The following OR4D1 variants were observed in gnomAD, a reference collection of about 807,000 sequenced individuals.
The protein encoded by OR4D1 is olfactory receptor family 4 subfamily D member 1.
In OR4D1, 10 loss-of-function variants were observed where a neutral mutation model predicts 14.2. That is an observed-to-expected ratio of 0.71 (90% confidence interval 0.44 to 1.20). OR4D1 has a LOEUF of 1.20. OR4D1 is among the 50% of genes most tolerant of loss of function. The probability of loss-of-function intolerance (pLI) is 0.00; values close to 1 mark genes in which losing one functional copy is unlikely to be tolerated. For missense variants in OR4D1, 345 were observed against 376.6 expected (o/e 0.92, Z 0.70); for synonymous variants, 141 against 147.4 (o/e 0.96, Z 0.32).
chr17:58,157,770 C>T lies in OR4D1; in HGVS notation c.*1684C>T. The T allele has an allele frequency of 1.2e-6, 2 of 1,611,388 alleles. No individual in the cohort carries two copies. The highest frequency in any genetic ancestry group is 1.7e-6 in the Non-Finnish European group (2 of 1,179,640). On this transcript the variant is annotated 3_prime_UTR_variant, in exon 4 of 4. Coordinates refer to ENST00000268912, the MANE Select transcript of OR4D1 (RefSeq NM_001386095.1). ...ATCCCGCCCGTGGGACTCTATGCCA[C>T]GCCAGTGGGATATGGCATGTACCAC... is the stretch of plus-strand genomic sequence containing the variant.
In OR4D1 at chr17:58,157,130, C is replaced by T. The variant is rs544701187; in HGVS notation, c.*1044C>T. 11 of 1,480,632 alleles carry T rather than the reference C, an allele frequency of 7.4e-6. No homozygotes were observed. In the African/African-American group the frequency reaches 1.3e-4, roughly 17 times the overall value. 91.7% of individuals were successfully genotyped at this position (1,480,632 alleles called of 1,614,324 possible). ...AGGAGCGCCGCGTCAAGGTCTCCAG[C>T]CTGCCCTACAGTGTGGATGCGCTCG... On this transcript the variant is annotated 3_prime_UTR_variant, in exon 4 of 4. Transcript: ENST00000268912.
rs1567779451 is a variant in OR4D1 at position 58,155,318 on chromosome 17, C to G, written c.165C>G (p.Leu55=). The change falls in exon 4 of 4, where the codon CTC becomes CTG. Residue 55 remains leucine, a synonymous_variant. Transcript: ENST00000268912. ...IMVTVTFDCR[L]HTPMYFLLRN... ...TCACAGTGACTTTTGACTGCCGGCTCCACACACCCATGTATTTTCTGCTCC... is the reference window on the plus strand; with the variant it reads ...TCACAGTGACTTTTGACTGCCGGCTGCACACACCCATGTATTTTCTGCTCC... 1 of 1,614,112 alleles carries G rather than the reference C, an allele frequency of 6.2e-7. No individual in the cohort carries two copies. The highest frequency in any genetic ancestry group is 1.7e-5 in the Admixed American group (1 of 60,010).
intron 3 of OR4D1, 43 bp from the exon 4 acceptor site, chr17:58,155,092 C>G (rs1967747789): frequency 7.7e-7 from 1 of 1,295,712 alleles, no homozygotes; most frequent in Non-Finnish European, 1.1e-6. Context: ...ATTGAATTTT[C>G]ATTTTTTTTG....
Position 58,157,228 on chromosome 17 carries a change from G to T in OR4D1, c.*1142G>T. 3 of 1,465,336 alleles carry T rather than the reference G, an allele frequency of 2.0e-6. No individual in the cohort carries two copies. Among genetic ancestry groups the T allele is most frequent in the Non-Finnish European group, 2.7e-6 (3 of 1,110,878 alleles). The allele number at this position is 1,465,336 out of a possible 1,614,324, so 90.8% of individuals were successfully genotyped here. On this transcript the variant is annotated 3_prime_UTR_variant, in exon 4 of 4. Coordinates refer to ENST00000268912, the MANE Select transcript of OR4D1 (RefSeq NM_001386095.1). ...AGCGCCTCTTCCGGGGCCACCCTGC[G>T]GCTACTGCTGCTGCCGGGGCACGGC...
In OR4D1 at chr17:58,155,069, T is replaced by A. The variant is rs1967747406; in HGVS notation, c.-19-66T>A. Reference sequence around the variant, plus strand: ...AACTTAATCAACTCAATCCTGACTGTCCAAGGAAAATGATTGAATTTTCAT... The same window carrying A: ...AACTTAATCAACTCAATCCTGACTGACCAAGGAAAATGATTGAATTTTCAT... On this transcript the variant is annotated intron_variant, in intron 3 of 3. Coordinates refer to ENST00000268912, the MANE Select transcript of OR4D1 (RefSeq NM_001386095.1). 2.7e-6 allele frequency: 3 copies of A among 1,122,568 alleles called. No homozygotes were observed. In the Admixed American group the frequency reaches 6.3e-5, roughly 23 times the overall value. 69.5% of individuals were successfully genotyped at this position (1,122,568 alleles called of 1,614,324 possible). A position where few individuals can be genotyped will look rare whatever the true frequency, so the allele number is the denominator to read the frequency against.
intron 3 of OR4D1, 49 bp from the exon 4 acceptor site, chr17:58,155,086 A>G: frequency 7.9e-7 from 1 of 1,259,634 alleles, no homozygotes; most frequent in Non-Finnish European, 1.1e-6. Flanking sequence ...AAAATGATTG[A>G]ATTTTCATTT....
At position 58,155,629 on chromosome 17, in the gene OR4D1, A is replaced by G; in HGVS notation, c.476A>G (p.Gln159Arg). The change falls in exon 4 of 4, where the codon CAA (glutamine) becomes CGA (arginine). Residue 159 changes from glutamine to arginine, a missense_variant. By Grantham distance (43) the Gln-to-Arg change is conservative. Transcript: ENST00000268912. ...WVGGFVHSIV[Q>R]LALILPLPFC... is the part of the protein sequence containing the mutation. The stretch of plus-strand genomic sequence containing the variant: ...GGGGGCTTTGTCCACTCCATTGTCC[A>G]ACTGGCTCTGATACTTCCACTGCCC... The G allele has an allele frequency of 6.2e-7, 1 of 1,614,080 alleles. No homozygotes were observed. Among genetic ancestry groups the G allele is most frequent in the Non-Finnish European group, 8.5e-7 (1 of 1,179,998 alleles).
rs1967677507 is a variant in OR4D1 at position 58,149,667 on chromosome 17, A to G, written c.-256A>G. ...TACTCTTGAACCTTGAAGGAAGGGT[A>G]GAATTCAGACAGGTGAACAGGACAG... On this transcript the variant is annotated 5_prime_UTR_variant, in exon 2 of 4. Coordinates refer to ENST00000268912, the MANE Select transcript of OR4D1 (RefSeq NM_001386095.1). 6.6e-6 allele frequency: 1 copy of G among 152,298 alleles called. No homozygotes were observed. The highest frequency in any genetic ancestry group is 1.5e-5 in the Non-Finnish European group (1 of 68,074). The allele number at this position is 152,298 out of a possible 1,614,324, so 9.4% of individuals were successfully genotyped here.
chr17:58,155,538 C>A lies in OR4D1; in HGVS notation c.385C>A (p.Pro129Thr), dbSNP rs143254667. The A allele has an allele frequency of 1.8e-3, 2,941 of 1,614,166 alleles. 6 individuals are homozygous for A. The highest frequency in any genetic ancestry group is 3.5e-3 in the Admixed American group (213 of 60,026). The change falls in exon 4 of 4, where the codon CCC becomes ACC. Residue 129 changes from proline to threonine, a missense_variant. Physicochemically the swap from Pro to Thr is conservative, Grantham distance 38. Transcript: ENST00000268912. ...AYDRYIAISQ[P>T]LRYVTIMNTQ... is the part of the protein sequence containing the mutation. ...TGACCGCTACATAGCCATCTCCCAG[C>A]CCCTCCGGTATGTCACCATCATGAA... is the stretch of plus-strand genomic sequence containing the variant.
intron 2 of OR4D1, among the ~76,000 whole-genome samples, chr17:58,151,386 A>G (rs1219560633): frequency 2.0e-5 from 3 of 152,120 alleles, no homozygotes; most frequent in African/African-American, 7.2e-5. Context: ...CCCAGCATCC[A>G]TTAGCTATTC....
Position 58,158,449 on chromosome 17 carries a change from AC to A in OR4D1, c.*2373del, listed in dbSNP as rs141202898. The A allele has an allele frequency of 0.19, 21,671 of 114,588 alleles. 1,917 individuals carry two copies. The highest frequency in any genetic ancestry group is 0.21 in the Non-Finnish European group (11,934 of 55,884). 7.1% of individuals were successfully genotyped at this position (114,588 alleles called of 1,614,324 possible). A position where few individuals can be genotyped will look rare whatever the true frequency, so the allele number is the denominator to read the frequency against. ...TTTGTTCCTATCTCTCCCCACGCCC[AC>A]CCCCCCCCCACACACACATTTTTAC... On this transcript the variant is annotated 3_prime_UTR_variant, in exon 4 of 4. Coordinates refer to ENST00000268912, the MANE Select transcript of OR4D1 (RefSeq NM_001386095.1).
chr17:58,153,260 G>A (rs1286218463), intron 2 of OR4D1, among the ~76,000 whole-genome samples: 12 of 152,182 alleles, frequency 7.9e-5, no homozygotes, highest in Non-Finnish European at 1.8e-4. Flanking sequence ...TCCTGCCCTG[G>A]TGCACTGGGA....
At position 58,157,268 on chromosome 17, in the gene OR4D1, C is replaced by T; in HGVS notation, c.*1182C>T. The T allele has an allele frequency of 1.4e-6, 2 of 1,476,918 alleles. No individual in the cohort carries two copies. Among genetic ancestry groups the T allele is most frequent in the Non-Finnish European group, 1.8e-6 (2 of 1,116,696 alleles). The allele number at this position is 1,476,918 out of a possible 1,614,324, so 91.5% of individuals were successfully genotyped here. ...CGGGGCACGGCGCTCGGGAAGCGCA[C>T]AGCCCCGGGCCGCTGATCAAGCCCT... On this transcript the variant is annotated 3_prime_UTR_variant, in exon 4 of 4. Transcript: ENST00000268912.
At chr17:58,149,953 G>A (rs1408976251) in intron 2 of OR4D1, among the ~76,000 whole-genome samples, 157 bp downstream of exon 2, 1 of 152,070 alleles carries the variant, frequency 6.6e-6, no homozygotes, top group Admixed American at 6.6e-5. Flanking sequence ...ATAATTTATG[G>A]TACTTACTAT....
In OR4D1 at chr17:58,157,540, C is replaced by A. The variant is rs1251677122; in HGVS notation, c.*1454C>A. 1.9e-5 allele frequency: 28 copies of A among 1,454,048 alleles called. No homozygotes were observed. The highest frequency in any genetic ancestry group is 1.1e-4 in the South Asian group (10 of 87,398). The allele number at this position is 1,454,048 out of a possible 1,614,324, so 90.1% of individuals were successfully genotyped here. On this transcript the variant is annotated 3_prime_UTR_variant, in exon 4 of 4. Transcript: ENST00000268912. ...GTGCGGACTTCTCCAGCTCTCCGAA[C>A]CTCACGGAGACTCAGGTCAAAATCT...
chr17:58,152,018 G>C (rs979847029), intron 2 of OR4D1, among the ~76,000 whole-genome samples: 3 of 152,120 alleles, frequency 2.0e-5, no homozygotes, highest in African/African-American at 7.2e-5. Flanking sequence ...ATAATGCTGA[G>C]TATTACAAGT....
At position 58,159,494 on chromosome 17, in the gene OR4D1, G is replaced by A. The variant is rs1597953900; in HGVS notation, c.*3408G>A. On this transcript the variant is annotated 3_prime_UTR_variant, in exon 4 of 4. Transcript: ENST00000268912. ...GGTGCCATCTTGGAAGCAGAGAATA[G>A]CCCTCACCAGACAACCAAACCTGTT... 1 of 149,658 alleles carries A rather than the reference G, an allele frequency of 6.7e-6. No homozygotes were observed. Among genetic ancestry groups the A allele is most frequent in the Admixed American group, 6.6e-5 (1 of 15,148 alleles). The allele number at this position is 149,658 out of a possible 1,614,324, so 9.3% of individuals were successfully genotyped here. A position where few individuals can be genotyped will look rare whatever the true frequency, so the allele number is the denominator to read the frequency against.
At chr17:58,154,538 G>T (rs1339778140) in intron 3 of OR4D1, among the ~76,000 whole-genome samples, 2 of 152,106 alleles carry the variant, frequency 1.3e-5, no homozygotes, top group African/African-American at 4.8e-5. Flanking sequence ...AATCATCCCA[G>T]CTTCGCTACA....
Position 58,157,308 on chromosome 17 carries a change from G to C in OR4D1, c.*1222G>C. ...GATCAAGCCCTTCGAGACCGCCTCG[G>C]TCAAGTGGGAAAACTCCCTAAGACG... On this transcript the variant is annotated 3_prime_UTR_variant, in exon 4 of 4. Coordinates refer to ENST00000268912, the MANE Select transcript of OR4D1 (RefSeq NM_001386095.1). 6.6e-7 allele frequency: 1 copy of C among 1,506,426 alleles called. No individual in the cohort carries two copies. The highest frequency in any genetic ancestry group is 8.9e-7 in the Non-Finnish European group (1 of 1,123,146). 93.3% of individuals were successfully genotyped at this position (1,506,426 alleles called of 1,614,324 possible). A position where few individuals can be genotyped will look rare whatever the true frequency, so the allele number is the denominator to read the frequency against.
Sources: allele counts gnomAD v4.1 joint callset (sites outside exome capture counted in the v4.1 genomes callset), GRCh38; gene constraint gnomAD v4.1.1; transcripts MANE v1.5; gene names NCBI Gene and HGNC (gene_info 2026-07-23, HGNC 2026-07-21).